Variants in MYO5A observed in about 807,000 individuals in gnomAD.
MYO5A encodes myosin VA.
MYO5A carries 98 observed loss-of-function variants against 249.7 expected under a neutral mutation model. That is an observed-to-expected ratio of 0.39 (90% CI 0.33 to 0.46). The LOEUF is 0.46. Among genes scored for constraint, MYO5A ranks in the 20% least tolerant of loss-of-function variants. The pLI, the probability that MYO5A is intolerant of heterozygous loss-of-function variation, is 0.98. For missense variants in MYO5A, 1,696 were observed against 2,308.8 expected, an observed-to-expected ratio of 0.73 and a Z score of 5.44; for synonymous variants, 778 against 810.6, an observed-to-expected ratio of 0.96 and a Z score of 0.68.
chr15:52,433,999 C>CTTTTTTTTTTT (rs398043307), intron 1 of MYO5A, among the ~76,000 whole-genome samples: 1 of 127,304 alleles, frequency 7.9e-6, no homozygotes, highest in East Asian at 2.3e-4. Context: ...CTTTCTTTTT[C>CTTTTTTTTTTT]TTTTTTTTTT....
chr15:52,352,078 G>A (rs2039982258), intron 27 of MYO5A, among the ~76,000 whole-genome samples: 1 of 152,142 alleles, frequency 6.6e-6, no homozygotes, highest in Non-Finnish European at 1.5e-5. Flanking sequence ...TCTGTGTGAC[G>A]CACTTGTGAC....
chr15:52,471,038 A>G (rs2076456055), intron 1 of MYO5A, among the ~76,000 whole-genome samples: 1 of 132,434 alleles, frequency 7.6e-6, no homozygotes, highest in African/African-American at 2.7e-5. Flanking sequence ...AAAAAAAAAA[A>G]AGGAAAGGAA....
intron 1 of MYO5A, among the ~76,000 whole-genome samples, chr15:52,460,849 A>G (rs1192019563): frequency 6.6e-6 from 1 of 152,252 alleles, no homozygotes; most frequent in African/African-American, 2.4e-5. Flanking sequence ...GCAATTTTAA[A>G]TAAAATAATA....
chr15:52,339,376 AC>A (rs1596312252), intron 32 of MYO5A, among the ~76,000 whole-genome samples: 1 of 152,202 alleles, frequency 6.6e-6, no homozygotes, highest in African/African-American at 2.4e-5. Context: ...TCGGGCTAGC[AC>A]TACAATATAG....
intron 1 of MYO5A, among the ~76,000 whole-genome samples, chr15:52,495,667 T>C (rs1170720930): frequency 6.6e-6 from 1 of 152,180 alleles, no homozygotes; most frequent in African/African-American, 2.4e-5. Flanking sequence ...CAGTATTTAC[T>C]TGTCAATTAA....
At chr15:52,498,976 C>A (rs1281479900) in intron 1 of MYO5A, among the ~76,000 whole-genome samples, 1 of 152,190 alleles carries the variant, frequency 6.6e-6, no homozygotes, top group Non-Finnish European at 1.5e-5. Flanking sequence ...TAAAGCATAT[C>A]AAATGTAAGA....
chr15:52,405,002 T>C (rs1345092153), intron 9 of MYO5A, among the ~76,000 whole-genome samples: 1 of 151,682 alleles, frequency 6.6e-6, no homozygotes, highest in African/African-American at 2.4e-5. Context: ...ATCTGCGTTA[T>C]AGTCACTAAT....
chr15:52,394,660 G>C (rs1425581796), intron 11 of MYO5A, among the ~76,000 whole-genome samples: 13 of 152,164 alleles, frequency 8.5e-5, no homozygotes, highest in Admixed American at 5.9e-4. Context: ...AGACGCAAGA[G>C]ACCAAAACAC....
At chr15:52,331,446 G>C (rs1434176572) in intron 34 of MYO5A, among the ~76,000 whole-genome samples, 3 of 152,186 alleles carry the variant, frequency 2.0e-5, no homozygotes, top group Non-Finnish European at 4.4e-5. Flanking sequence ...ATACACGCTA[G>C]TAACCAGGTT....
At chr15:52,504,818 G>T (rs1342577212) in intron 1 of MYO5A, among the ~76,000 whole-genome samples, 5 of 151,868 alleles carry the variant, frequency 3.3e-5, no homozygotes, top group African/African-American at 1.2e-4. Flanking sequence ...GGACCCAGCA[G>T]GCAGAGGTTG....
At chr15:52,392,475 C>G (rs759547819) in intron 11 of MYO5A, among the ~76,000 whole-genome samples, 9 of 152,214 alleles carry the variant, frequency 5.9e-5, no homozygotes, top group Non-Finnish European at 1.0e-4. Context: ...TCATGCTGGG[C>G]AATGCTTTCA....
At chr15:52,426,043 G>GT (rs2075387739) in intron 3 of MYO5A, 69 bp from the exon 4 acceptor site, 2 of 1,350,716 alleles carry the variant, frequency 1.5e-6, no homozygotes, top group South Asian at 2.4e-5. Context: ...ATCAAACTTA[G>GT]TAAAGTGAGA....
intron 40 of MYO5A, among the ~76,000 whole-genome samples, chr15:52,314,974 T>C (rs1347159561): frequency 1.3e-5 from 2 of 152,132 alleles, no homozygotes; most frequent in African/African-American, 2.4e-5. Context: ...TGCTGATCTA[T>C]AGGAAAATAA....
chr15:52,433,636 G>T (rs2141309106), intron 1 of MYO5A, among the ~76,000 whole-genome samples: 1 of 151,944 alleles, frequency 6.6e-6, no homozygotes, highest in South Asian at 2.1e-4. Flanking sequence ...GGCCAAGCTG[G>T]TCTCCAAACT....
chr15:52,353,866 C>T lies in MYO5A; in HGVS notation c.3567+5G>A, dbSNP rs373707447. The T allele has an allele frequency of 2.1e-5, 34 of 1,613,452 alleles. No homozygotes were observed. The highest frequency in any genetic ancestry group is 1.5e-4 in the African/African-American group (11 of 74,940). ...TCAGCTCTGCGGATGGGCTGTGCTGCGCACCTTGGCCTTGCTGCGGAGCAC... is the reference window on the plus strand; with the variant it reads ...TCAGCTCTGCGGATGGGCTGTGCTGTGCACCTTGGCCTTGCTGCGGAGCAC... On this transcript the variant is annotated splice_donor_5th_base_variant and intron_variant, in intron 26 of 41. Transcript: ENST00000399233.
At chr15:52,335,460 G>A (rs569625742) in intron 34 of MYO5A, among the ~76,000 whole-genome samples, 4 of 143,798 alleles carry the variant, frequency 2.8e-5, no homozygotes, top group East Asian at 2.2e-4. Context: ...AGGTTGCAGT[G>A]AGCCGAGATT....
intron 1 of MYO5A, among the ~76,000 whole-genome samples, chr15:52,504,517 T>G (rs914303017): frequency 1.3e-5 from 2 of 152,208 alleles, no homozygotes; most frequent in African/African-American, 4.8e-5. Context: ...TAACACCATA[T>G]AGACAAATTC....
At chr15:52,396,878 G>A (rs2042511380) in intron 10 of MYO5A, among the ~76,000 whole-genome samples, 2 of 152,046 alleles carry the variant, frequency 1.3e-5, no homozygotes, top group South Asian at 4.1e-4. Flanking sequence ...CTAAAGACAG[G>A]TACCCAAATA....
At chr15:52,434,041 C>G (rs542584475) in intron 1 of MYO5A, among the ~76,000 whole-genome samples, 3 of 150,204 alleles carry the variant, frequency 2.0e-5, no homozygotes, top group South Asian at 4.2e-4. Context: ...GCTCTGTTGC[C>G]CAGGCTGGAG....
Sources: gnomAD v4.1 joint callset for allele counts (sites outside exome capture counted in the v4.1 genomes callset) on GRCh38, gnomAD v4.1.1 for gene constraint, MANE v1.5 for transcripts, NCBI Gene and HGNC (gene_info 2026-07-23, HGNC 2026-07-21) for gene names.